COL13A1: variants seen among roughly 807,000 people sequenced by gnomAD.
COL13A1 encodes the protein collagen alpha-1(XIII) chain.
In COL13A1, 89 loss-of-function variants were observed where a neutral mutation model predicts 130.9. That is an observed-to-expected ratio of 0.68 (90% confidence interval 0.57 to 0.81). COL13A1 has a LOEUF of 0.81. COL13A1 is among the 30% of genes least tolerant of loss of function. The pLI, the probability that COL13A1 is intolerant of heterozygous loss-of-function variation, is 0.00. For missense variants in COL13A1, 879 were observed against 934.6 expected (o/e 0.94, Z 0.78); for synonymous variants, 402 against 341.6 (o/e 1.18, Z -1.95).
At chr10:69,943,698 CTGTGT>C (rs1565142760) in intron 35 of COL13A1, among the ~76,000 whole-genome samples, 3 of 152,142 alleles carry the variant, frequency 2.0e-5, no homozygotes, top group African/African-American at 7.2e-5. Flanking sequence ...TCGTCTGCCC[CTGTGT>C]GTGCATCCGC....
At chr10:69,916,194 C>T (rs1018374208) in intron 17 of COL13A1, among the ~76,000 whole-genome samples, 16 of 152,188 alleles carry the variant, frequency 1.1e-4, no homozygotes, top group Admixed American at 1.3e-4. Flanking sequence ...ACCAGATCCC[C>T]TCTGCCTTTA....
intron 1 of COL13A1, among the ~76,000 whole-genome samples, chr10:69,819,077 T>C (rs957240856): frequency 1.3e-5 from 2 of 152,270 alleles, no homozygotes; most frequent in African/African-American, 4.8e-5. Context: ...TTCTCTATTT[T>C]GCAGTCTCAC....
At position 69,891,353 on chromosome 10, in the gene COL13A1, G is replaced by A. The variant is rs192343499; in HGVS notation, c.603+1913G>A. On this transcript the variant is annotated intron_variant, in intron 10 of 40. Transcript: ENST00000645393. ...ATGAGCATTCAACCGAGAGAAAATA[G>A]AAAGGGGGATGGGAATGTGCTTTCT... Among the ~76,000 whole-genome samples, 242 of 152,346 alleles carry A rather than the reference G, an allele frequency of 1.6e-3. 1 individual carries two copies. Among genetic ancestry groups the A allele is most frequent in the Non-Finnish European group, 3.1e-3 (212 of 68,044 alleles).
At chr10:69,842,530 T>A (rs1255333621) in intron 2 of COL13A1, among the ~76,000 whole-genome samples, 1 of 152,110 alleles carries the variant, frequency 6.6e-6, no homozygotes, top group African/African-American at 2.4e-5. Context: ...TCCAAGGACC[T>A]CCCCTACTCC....
chr10:69,882,837 C>T (rs996337827), intron 7 of COL13A1, among the ~76,000 whole-genome samples: 2 of 152,206 alleles, frequency 1.3e-5, no homozygotes, highest in Admixed American at 6.5e-5. Context: ...CCCAGTGGCT[C>T]GAGCTATCCC....
At chr10:69,940,517 C>T (rs188280958) in intron 34 of COL13A1, among the ~76,000 whole-genome samples, 88 of 152,330 alleles carry the variant, frequency 5.8e-4, no homozygotes, top group South Asian at 2.1e-4. Context: ...CCCAGCATGG[C>T]CTGATCCAAA....
At chr10:69,857,741 CCTCT>C (rs1248720578) in intron 2 of COL13A1, among the ~76,000 whole-genome samples, 1 of 152,090 alleles carries the variant, frequency 6.6e-6, no homozygotes, top group East Asian at 1.9e-4. Context: ...GGAGGTGCTG[CCTCT>C]CTCTGTCTCA....
At chr10:69,862,486 T>C (rs1858421816) in intron 2 of COL13A1, among the ~76,000 whole-genome samples, 1 of 152,180 alleles carries the variant, frequency 6.6e-6, no homozygotes, top group Non-Finnish European at 1.5e-5. Flanking sequence ...GTGTTCTCTT[T>C]GAAGTTAACC....
chr10:69,894,251 A>T (rs2061438439), intron 10 of COL13A1, among the ~76,000 whole-genome samples: 1 of 152,210 alleles, frequency 6.6e-6, no homozygotes, highest in Non-Finnish European at 1.5e-5. Context: ...CCCATGGAGC[A>T]GAAAACTCCC....
At chr10:69,885,008 G>T (rs2060476327) in intron 7 of COL13A1, among the ~76,000 whole-genome samples, 3 of 152,168 alleles carry the variant, frequency 2.0e-5, no homozygotes, top group Admixed American at 2.0e-4. Context: ...CAGTTGTTTG[G>T]TTTTTTTATT....
chr10:69,808,656 G>A (rs922334475), intron 1 of COL13A1, among the ~76,000 whole-genome samples: 2 of 152,136 alleles, frequency 1.3e-5, no homozygotes, highest in Admixed American at 6.5e-5. Flanking sequence ...ATTGTACAAC[G>A]GTCTCTCCAT....
chr10:69,807,586 C>T (rs936758708), intron 1 of COL13A1, among the ~76,000 whole-genome samples: 1 of 152,118 alleles, frequency 6.6e-6, no homozygotes, highest in Admixed American at 6.5e-5. Context: ...GGATGGGGTC[C>T]TTTAGGACTG....
intron 38 of COL13A1, among the ~76,000 whole-genome samples, chr10:69,948,253 C>A (rs2068846312): frequency 6.6e-6 from 1 of 152,192 alleles, no homozygotes; most frequent in Admixed American, 6.5e-5. Context: ...GAACCCAGGT[C>A]TTGTGGCTGA....
intron 40 of COL13A1, 53 bp from the exon 41 acceptor site, chr10:69,958,646 C>G: frequency 6.2e-7 from 1 of 1,612,734 alleles, no homozygotes. Flanking sequence ...AGGAAATAAA[C>G]CTCTGCAGAC....
At chr10:69,895,032 G>A (rs539607617) in intron 12 of COL13A1, among the ~76,000 whole-genome samples, 1 of 152,338 alleles carries the variant, frequency 6.6e-6, no homozygotes, top group African/African-American at 2.4e-5. Flanking sequence ...ATTCTGAGAG[G>A]CATCAACCTG....
chr10:69,863,621 C>T (rs778508914), intron 2 of COL13A1, among the ~76,000 whole-genome samples: 1 of 152,088 alleles, frequency 6.6e-6, no homozygotes, highest in East Asian at 1.9e-4. Context: ...AGTCCAGGGT[C>T]GAGGGGGAGG....
intron 6 of COL13A1, among the ~76,000 whole-genome samples, chr10:69,879,209 G>T (rs1374363788): frequency 6.6e-6 from 1 of 152,170 alleles, no homozygotes; most frequent in Non-Finnish European, 1.5e-5. Context: ...CAAGGCTGGG[G>T]CTCCTAGCTA....
chr10:69,877,699 TCA>T (rs10532425), intron 5 of COL13A1: 4,393 of 86,394 alleles, frequency 0.051, 113 homozygotes, highest in African/African-American at 0.077. Context: ...TCTCTCTCTC[TCA>T]CACACACACA....
intron 1 of COL13A1, 104 bp downstream of exon 1, chr10:69,802,821 C>A: frequency 2.1e-6 from 3 of 1,447,480 alleles, no homozygotes; most frequent in Non-Finnish European, 2.8e-6. Context: ...CTCTGCGAGC[C>A]CCAGGTTCGC....
Sources: allele counts gnomAD v4.1 joint callset (sites outside exome capture counted in the v4.1 genomes callset), GRCh38; gene constraint gnomAD v4.1.1; transcripts MANE v1.5; gene names NCBI Gene and HGNC (gene_info 2026-07-23, HGNC 2026-07-21).